PTPRJ: variants seen among roughly 807,000 people sequenced by gnomAD.
PTPRJ encodes the protein receptor-type tyrosine-protein phosphatase eta.
PTPRJ carries 129 observed loss-of-function variants against 141.3 expected under a neutral mutation model. That is an observed-to-expected ratio of 0.91 (90% CI 0.79 to 1.06). The LOEUF is 1.06. Among genes scored for constraint, PTPRJ ranks in the 50% least tolerant of loss-of-function variants. The pLI, the probability that PTPRJ is intolerant of heterozygous loss-of-function variation, is 0.00. For synonymous variants in PTPRJ, 610 were observed against 640.5 expected, an observed-to-expected ratio of 0.95 and a Z score of 0.72; for missense variants, 1,601 against 1,679.7, an observed-to-expected ratio of 0.95 and a Z score of 0.82.
At chr11:48,138,684 TAG>T (rs1370553434) in intron 10 of PTPRJ, among the ~76,000 whole-genome samples, 1 of 152,116 alleles carries the variant, frequency 6.6e-6, no homozygotes, top group Non-Finnish European at 1.5e-5. Context: ...GTTATGTGAG[TAG>T]AGAGTGTCTT....
chr11:48,034,243 C>G (rs1483136742), intron 1 of PTPRJ, among the ~76,000 whole-genome samples: 4 of 152,088 alleles, frequency 2.6e-5, no homozygotes, highest in Admixed American at 6.6e-5. Context: ...AAGACTTGAG[C>G]TAGAAAAAGA....
rs753396559 is a variant in PTPRJ at position 48,163,533 on chromosome 11, A to T, written c.3634A>T (p.Thr1212Ser). The T allele has an allele frequency of 1.9e-6, 3 of 1,613,892 alleles. No individual in the cohort carries two copies. The highest frequency in any genetic ancestry group is 1.7e-6 in the Non-Finnish European group (2 of 1,179,756). ...GCCAGACCACGGTGTTCCCGACACCACTGACCTGCTCATCAACTTCCGGTA... is the reference window on the plus strand; with the variant it reads ...GCCAGACCACGGTGTTCCCGACACCTCTGACCTGCTCATCAACTTCCGGTA... ...SWPDHGVPDT[T>S]DLLINFRYLV... The change falls in exon 23 of 25, where the codon ACT (threonine) becomes TCT (serine). Residue 1212 changes from threonine to serine, a missense_variant. Thr to Ser is a moderately conservative substitution (Grantham distance 58, BLOSUM62 1). Coordinates refer to ENST00000418331, the MANE Select transcript of PTPRJ (RefSeq NM_002843.4).
chr11:48,161,828 C>A (rs1354597362), intron 22 of PTPRJ, among the ~76,000 whole-genome samples: 6 of 152,044 alleles, frequency 3.9e-5, no homozygotes, highest in Non-Finnish European at 5.9e-5. Context: ...ATTGGCCAGG[C>A]TGGTCTTGAA....
At chr11:48,114,971 GA>G (rs1856529806) in intron 3 of PTPRJ, among the ~76,000 whole-genome samples, 1 of 151,902 alleles carries the variant, frequency 6.6e-6, no homozygotes, top group African/African-American at 2.4e-5. Flanking sequence ...AATAATCCTT[GA>G]ACTTGAAGAC....
intron 1 of PTPRJ, among the ~76,000 whole-genome samples, chr11:48,097,338 T>C (rs560838537): frequency 6.6e-6 from 1 of 152,194 alleles, no homozygotes; most frequent in African/African-American, 2.4e-5. Context: ...ATTTGAGGTA[T>C]GTTGATACAT....
At chr11:48,060,714 C>A (rs1464949390) in intron 1 of PTPRJ, among the ~76,000 whole-genome samples, 1 of 152,172 alleles carries the variant, frequency 6.6e-6, no homozygotes, top group Non-Finnish European at 1.5e-5. Context: ...AGCCAGGATC[C>A]CCCAGCTCCA....
In PTPRJ at chr11:48,071,409, C is replaced by T. The variant is rs186710537; in HGVS notation, c.97-38649C>T. Among the ~76,000 whole-genome samples, 493 of 151,942 alleles carry T rather than the reference C, an allele frequency of 3.2e-3. 1 individual carries two copies. The highest frequency in any genetic ancestry group is 6.8e-3 in the Middle Eastern group (2 of 292). The stretch of plus-strand genomic sequence containing the variant: ...TTGGCTCACTGCACCCTCCGCCTCC[C>T]GGGTTCACGCCATTCTCCTGTGTCA... On this transcript the variant is annotated intron_variant, in intron 1 of 24. Transcript: ENST00000418331.
rs1020336003 is a variant in PTPRJ at position 48,158,823 on chromosome 11, G to A, written c.3439-1107G>A. On this transcript the variant is annotated intron_variant, in intron 21 of 24. Transcript: ENST00000418331. This position sits in a 1 kb window ranked among gnomAD's most constrained non-coding sequence, Gnocchi z 4.4. ...ACAAAATAGCTGGGTGTGGTGGCAC[G>A]TCTCTGTAGTCCAAACTCCTCTGGA... Among the ~76,000 whole-genome samples, 1 of 152,060 alleles carries A rather than the reference G, an allele frequency of 6.6e-6. No individual in the cohort carries two copies. The highest frequency in any genetic ancestry group is 2.4e-5 in the African/African-American group (1 of 41,390).
intron 1 of PTPRJ, among the ~76,000 whole-genome samples, chr11:48,023,293 C>T (rs945002744): frequency 1.2e-4 from 19 of 152,162 alleles, no homozygotes; most frequent in African/African-American, 4.3e-4. Context: ...CTACCTCTTC[C>T]TCCTCTTGTC....
intron 1 of PTPRJ, among the ~76,000 whole-genome samples, chr11:47,992,495 TCA>T (rs1854222061): frequency 6.6e-6 from 1 of 152,190 alleles, no homozygotes; most frequent in African/African-American, 2.4e-5. Flanking sequence ...TAAGAATTAC[TCA>T]GAGTTAGCTT....
Position 48,163,497 on chromosome 11 carries a change from T to G in PTPRJ, c.3598T>G (p.Phe1200Val). ...GAGTCACCCTCTGAGACAGTTCCATTTCACCTCCTGGCCAGACCACGGTGT... is the reference window on the plus strand; with the variant it reads ...GAGTCACCCTCTGAGACAGTTCCATGTCACCTCCTGGCCAGACCACGGTGT... ...SESHPLRQFHFTSWPDHGVPD... is the reference protein window; with the variant it reads ...SESHPLRQFHVTSWPDHGVPD... The change falls in exon 23 of 25, where the codon TTC becomes GTC. Residue 1200 changes from phenylalanine to valine, a missense_variant. Transcript: ENST00000418331. 1.2e-6 allele frequency: 2 copies of G among 1,614,056 alleles called. No homozygotes were observed. Among genetic ancestry groups the G allele is most frequent in the Non-Finnish European group, 1.7e-6 (2 of 1,179,970 alleles).
At chr11:48,128,338 G>A (rs1856893287) in intron 7 of PTPRJ, among the ~76,000 whole-genome samples, 1 of 152,190 alleles carries the variant, frequency 6.6e-6, no homozygotes, top group Non-Finnish European at 1.5e-5. Context: ...CCTGGAGCCT[G>A]CGCTTGTAAC....
intron 1 of PTPRJ, among the ~76,000 whole-genome samples, chr11:48,098,139 G>A (rs10742831): frequency 0.73 from 110,839 of 152,052 alleles, 41,397 homozygotes; most frequent in South Asian, 0.83. Context: ...TTTGGTGTCC[G>A]CGCATGCCTA....
At chr11:48,135,578 T>G (rs1314601074) in intron 8 of PTPRJ, among the ~76,000 whole-genome samples, 1 of 146,588 alleles carries the variant, frequency 6.8e-6, no homozygotes, top group Non-Finnish European at 1.5e-5. Flanking sequence ...GCCTTCTGGG[T>G]TCAAGCGACT....
At chr11:48,159,003 C>T (rs1857682182) in intron 21 of PTPRJ, among the ~76,000 whole-genome samples, 1 of 152,054 alleles carries the variant, frequency 6.6e-6, no homozygotes, top group Non-Finnish European at 1.5e-5. Flanking sequence ...ACTCAAACTT[C>T]TCAGGTGAGT....
chr11:48,156,219 T>G lies in PTPRJ; in HGVS notation c.3438+100T>G. 5 of 1,041,510 alleles carry G rather than the reference T, an allele frequency of 4.8e-6. No homozygotes were observed. The South Asian group carries it at 8.6e-5, about 18-fold the overall frequency. 64.5% of individuals were successfully genotyped at this position (1,041,510 alleles called of 1,614,324 possible). ...AAACCATTTGTTTCTTTAAAAAAAC[T>G]CAAACATTAGCACTTTATTCTTATA... On this transcript the variant is annotated intron_variant, in intron 21 of 24. Coordinates refer to ENST00000418331, the MANE Select transcript of PTPRJ (RefSeq NM_002843.4).
intron 8 of PTPRJ, among the ~76,000 whole-genome samples, chr11:48,134,921 C>G (rs565072496): frequency 6.6e-6 from 1 of 152,284 alleles, no homozygotes; most frequent in African/African-American, 2.4e-5. Flanking sequence ...TAAAGGTCAG[C>G]TCTCCATTTC....
chr11:47,988,205 G>A (rs1430397212), intron 1 of PTPRJ, among the ~76,000 whole-genome samples: 1 of 152,112 alleles, frequency 6.6e-6, no homozygotes, highest in African/African-American at 2.4e-5. Context: ...ATCTTTCTTG[G>A]GGGGGAAAAG....
At chr11:47,992,328 C>T (rs1854218365) in intron 1 of PTPRJ, among the ~76,000 whole-genome samples, 1 of 152,130 alleles carries the variant, frequency 6.6e-6, no homozygotes, top group Non-Finnish European at 1.5e-5. Context: ...AGCCCGCCCA[C>T]CATGCCTAGC....
Sources: gnomAD v4.1 joint callset for allele counts (sites outside exome capture counted in the v4.1 genomes callset) on GRCh38, gnomAD v4.1.1 for gene constraint, Gnocchi (gnomAD v3.1) non-coding constraint, MANE v1.5 for transcripts, NCBI Gene and HGNC (gene_info 2026-07-23, HGNC 2026-07-21) for gene names.